Variants in HTR1F observed in about 807,000 individuals in gnomAD.
The protein encoded by HTR1F is 5-hydroxytryptamine receptor 1F.
A neutral mutation model predicts 24.0 loss-of-function variants in HTR1F; 17 were observed. The ratio of observed to expected loss-of-function variants is 0.71; its 90% CI spans 0.48 to 1.06. The LOEUF (loss-of-function observed/expected upper bound fraction) is 1.06, where lower values mean the gene tolerates loss of function less well. HTR1F is among the 50% of genes least tolerant of loss of function. The pLI is 0.00. For missense variants in HTR1F, 391 were observed against 427.8 expected (o/e 0.91, Z 0.76); for synonymous variants, 186 against 156.8 (o/e 1.19, Z -1.39).
rs562550961 is a variant in HTR1F, at chr3:87,979,644, G to A, written c.-42-11064G>A. Among the ~76,000 whole-genome samples the A allele has an allele frequency of 9.9e-5, 15 of 152,254 alleles. No homozygotes were observed. In the South Asian group the frequency reaches 2.7e-3, roughly 27 times the overall value. The stretch of plus-strand genomic sequence containing the variant: ...TAGCACCTTTGCCTGAATTTTACTC[G>A]GCCCACTGGGCTTGTTCTGCCCACT... On this transcript the variant is annotated intron_variant, in intron 2 of 2. Coordinates refer to ENST00000319595, the MANE Select transcript of HTR1F (RefSeq NM_001322209.2).
chr3:87,990,582 C>T (rs1370419230), intron 2 of HTR1F, 126 bp from the exon 3 acceptor site: 1 of 535,532 alleles, frequency 1.9e-6, no homozygotes, highest in Non-Finnish European at 3.2e-6. Context: ...CAATCTGAAC[C>T]TCATTTTTTT....
intron 2 of HTR1F, among the ~76,000 whole-genome samples, chr3:87,890,945 G>A (rs1706068064): frequency 6.6e-6 from 1 of 151,012 alleles, no homozygotes; most frequent in Non-Finnish European, 1.5e-5. Flanking sequence ...GGGTTCAAGC[G>A]ATTCTCCCAC....
intron 2 of HTR1F, among the ~76,000 whole-genome samples, chr3:87,871,604 C>T (rs1362408215): frequency 6.6e-6 from 1 of 151,848 alleles, no homozygotes; most frequent in Non-Finnish European, 1.5e-5. Flanking sequence ...CACAGCTAGA[C>T]ACATTATAAT....
intron 2 of HTR1F, among the ~76,000 whole-genome samples, chr3:87,929,959 A>G (rs1274764528): frequency 1.3e-5 from 2 of 152,090 alleles, no homozygotes; most frequent in Admixed American, 6.6e-5. Flanking sequence ...ATTTGTTTCT[A>G]TCGTCTCTGA....
intron 2 of HTR1F, among the ~76,000 whole-genome samples, chr3:87,881,081 A>T (rs1705784202): frequency 6.6e-6 from 1 of 151,014 alleles, no homozygotes; most frequent in Non-Finnish European, 1.5e-5. Flanking sequence ...CTGGTTGGAC[A>T]TAGTGGGTGC....
chr3:87,852,109 C>T (rs1026237115), intron 2 of HTR1F, among the ~76,000 whole-genome samples: 18 of 151,514 alleles, frequency 1.2e-4, no homozygotes, highest in African/African-American at 3.9e-4. Flanking sequence ...GGGCATTTCC[C>T]TGATTAATAT....
At chr3:87,831,375 T>A (rs1358411971) in intron 2 of HTR1F, among the ~76,000 whole-genome samples, 1 of 133,152 alleles carries the variant, frequency 7.5e-6, no homozygotes, top group Non-Finnish European at 1.6e-5. Context: ...TTATTATTAT[T>A]ATTTTGAGAT....
chr3:87,800,145 C>A (rs1703969240), intron 1 of HTR1F, among the ~76,000 whole-genome samples: 1 of 152,128 alleles, frequency 6.6e-6, no homozygotes, highest in Admixed American at 6.5e-5. Context: ...CATATTGTCA[C>A]CAAATTAACT....
chr3:87,793,771 G>C (rs982033919), intron 1 of HTR1F: 13 of 152,156 alleles, frequency 8.5e-5, no homozygotes, highest in Admixed American at 6.5e-5. Context: ...CACTTTGGAA[G>C]AAGCCTTAAG....
At chr3:87,987,729 G>GTATTATA (rs1576125773) in intron 2 of HTR1F, among the ~76,000 whole-genome samples, 1 of 89,560 alleles carries the variant, frequency 1.1e-5, no homozygotes, top group African/African-American at 5.3e-5. Flanking sequence ...TTTTATATAT[G>GTATTATA]TATTTTATAT....
chr3:87,961,424 T>C lies in HTR1F; in HGVS notation c.-42-29284T>C, dbSNP rs1009355015. Reference sequence around the variant, plus strand: ...AAAATGTTAAATTAGAGATTTAAAGTAGAAAGTTTCATCAGTATCCTGGCT... The same window carrying C: ...AAAATGTTAAATTAGAGATTTAAAGCAGAAAGTTTCATCAGTATCCTGGCT... On this transcript the variant is annotated intron_variant, in intron 2 of 2. Coordinates refer to ENST00000319595, the MANE Select transcript of HTR1F (RefSeq NM_001322209.2). Among the ~76,000 whole-genome samples the C allele has an allele frequency of 7.2e-5, 11 of 152,018 alleles. 1 individual carries two copies. Among genetic ancestry groups the C allele is most frequent in the Admixed American group, 7.2e-4 (11 of 15,236 alleles).
At chr3:87,930,736 A>C (rs1002624771) in intron 2 of HTR1F, among the ~76,000 whole-genome samples, 9 of 151,948 alleles carry the variant, frequency 5.9e-5, no homozygotes, top group Non-Finnish European at 1.3e-4. Context: ...GTGAGGATTA[A>C]ATGAATCAAT....
rs183126327 is a variant in HTR1F, at chr3:87,937,873, G to A, written c.-42-52835G>A. On this transcript the variant is annotated intron_variant, in intron 2 of 2. Coordinates refer to ENST00000319595, the MANE Select transcript of HTR1F (RefSeq NM_001322209.2). ...CAGGAGGCAGAGGTTGCAGTGAGCC[G>A]AGATCGTGCCACTGCACTCCAGCTT... Among the ~76,000 whole-genome samples the A allele has an allele frequency of 1.9e-3, 286 of 150,622 alleles. 1 individual carries two copies. The highest frequency in any genetic ancestry group is 3.2e-3 in the Non-Finnish European group (214 of 67,812).
At chr3:87,909,055 C>T (rs1007246611) in intron 2 of HTR1F, among the ~76,000 whole-genome samples, 1 of 152,008 alleles carries the variant, frequency 6.6e-6, no homozygotes, top group Non-Finnish European at 1.5e-5. Context: ...GCCTATACTG[C>T]TTCATTTCTT....
chr3:87,969,486 T>C (rs1231377703), intron 2 of HTR1F, among the ~76,000 whole-genome samples: 1 of 152,216 alleles, frequency 6.6e-6, no homozygotes, highest in Admixed American at 6.5e-5. Context: ...CTGCTGGATT[T>C]TGGACTTTCA....
At position 87,947,018 on chromosome 3, in the gene HTR1F, G is replaced by A. The variant is rs78216337; in HGVS notation, c.-42-43690G>A. 2.1e-3 allele frequency among the ~76,000 whole-genome samples: 323 copies of A among 152,260 alleles called. 8 individuals carry two copies. The East Asian group carries it at 0.057, about 27-fold the overall frequency. On this transcript the variant is annotated intron_variant, in intron 2 of 2. Transcript: ENST00000319595. ...GAGTTAATTTTATTATTTAATCGTT[G>A]TGTTGAAATGGTTGTGAATATTTTG...
At chr3:87,846,989 A>C (rs1320440593) in intron 2 of HTR1F, among the ~76,000 whole-genome samples, 1 of 151,792 alleles carries the variant, frequency 6.6e-6, no homozygotes, top group Non-Finnish European at 1.5e-5. Context: ...AGATAAATAT[A>C]TTATTGCTAT....
At chr3:87,842,862 A>G (rs2938279) in intron 2 of HTR1F, among the ~76,000 whole-genome samples, 23,701 of 151,892 alleles carry the variant, frequency 0.16, 2,246 homozygotes, top group African/African-American at 0.24. Context: ...GAATCAAGTA[A>G]TTGTTAAAAG....
chr3:87,963,790 C>A (rs1705110960), intron 2 of HTR1F, among the ~76,000 whole-genome samples: 1 of 152,090 alleles, frequency 6.6e-6, no homozygotes, highest in African/African-American at 2.4e-5. Flanking sequence ...AAATTTATGT[C>A]ATGGTTTATC....
Sources: allele counts gnomAD v4.1 joint callset (sites outside exome capture counted in the v4.1 genomes callset), GRCh38; gene constraint gnomAD v4.1.1; transcripts MANE v1.5; gene names NCBI Gene and HGNC (gene_info 2026-07-23, HGNC 2026-07-21).